The following METTL16 variants were observed in gnomAD, a reference collection of about 807,000 sequenced individuals.
METTL16 encodes the protein methyltransferase 16, RNA N6-adenosine, also known as RNA N(6)-adenosine-methyltransferase METTL16.
A neutral mutation model predicts 57.9 loss-of-function variants in METTL16; 19 were observed. The ratio of observed to expected loss-of-function variants is 0.33; its 90% CI spans 0.23 to 0.48. The LOEUF is 0.48. Ranked by LOEUF, METTL16 falls within the 20% of genes least tolerant of loss-of-function variation. The pLI, the probability that METTL16 is intolerant of heterozygous loss-of-function variation, is 0.99. For missense variants in METTL16, 434 were observed against 691.5 expected, an observed-to-expected ratio of 0.63 and a Z score of 4.18; for synonymous variants, 246 against 255.6, an observed-to-expected ratio of 0.96 and a Z score of 0.36.
chr17:2,455,857 C>A (rs1039489069), intron 6 of METTL16, among the ~76,000 whole-genome samples: 2 of 151,996 alleles, frequency 1.3e-5, no homozygotes, highest in Admixed American at 6.6e-5. Context: ...GTGTTGTGCA[C>A]GTATAGTCCT....
intron 8 of METTL16, chr17:2,436,755 G>A (rs2151547998): frequency 6.7e-6 from 1 of 148,540 alleles, no homozygotes; most frequent in South Asian, 2.1e-4. Context: ...GGAACTGTGA[G>A]AAGCAACAGA....
At chr17:2,428,564 AATATAT>A (rs71362532) in intron 8 of METTL16, among the ~76,000 whole-genome samples, 438 of 31,210 alleles carry the variant, frequency 0.014, 3 homozygotes, top group Non-Finnish European at 0.016. Context: ...AAAAAAAAAA[AATATAT>A]ATATATATAT....
At chr17:2,454,849 C>G (rs2151558620) in intron 6 of METTL16, among the ~76,000 whole-genome samples, 1 of 152,048 alleles carries the variant, frequency 6.6e-6, no homozygotes, top group Middle Eastern at 3.4e-3. Context: ...CAGGAGTGAG[C>G]CCCCACGCCC....
chr17:2,493,624 C>A (rs995190782), intron 2 of METTL16, among the ~76,000 whole-genome samples: 3 of 150,206 alleles, frequency 2.0e-5, no homozygotes, highest in Non-Finnish European at 2.9e-5. Flanking sequence ...GAGACTGAGG[C>A]ACATGAATTG....
At chr17:2,436,004 G>C (rs914275000) in intron 8 of METTL16, among the ~76,000 whole-genome samples, 2 of 152,130 alleles carry the variant, frequency 1.3e-5, no homozygotes, top group African/African-American at 4.8e-5. Context: ...CGGAGGACTC[G>C]GTCTCGGAGC....
rs1257363911 is a variant in METTL16 at position 2,416,135 on chromosome 17, C to T, written c.*3835G>A. On this transcript the variant is annotated 3_prime_UTR_variant, in exon 10 of 10. Transcript: ENST00000263092. ...ATAAAAATACAAATCTGGGTAGCAA[C>T]TGGGTATTTCAAGAAAACACCGTGG... 6.6e-6 allele frequency: 1 copy of T among 152,128 alleles called. No individual in the cohort carries two copies. The highest frequency in any genetic ancestry group is 1.9e-4 in the East Asian group (1 of 5,188). The allele number at this position is 152,128 out of a possible 1,614,324, so 9.4% of individuals were successfully genotyped here. A position where few individuals can be genotyped will look rare whatever the true frequency, so the allele number is the denominator to read the frequency against.
At chr17:2,431,225 G>A (rs2066872031) in intron 8 of METTL16, among the ~76,000 whole-genome samples, 1 of 151,490 alleles carries the variant, frequency 6.6e-6, no homozygotes, top group South Asian at 2.1e-4. Context: ...AGGATTACAT[G>A]TGGGAGCTGC....
chr17:2,477,797 C>G lies in METTL16; in HGVS notation c.217G>C (p.Glu73Gln). The G allele has an allele frequency of 6.2e-7, 1 of 1,613,784 alleles. No homozygotes were observed. Among genetic ancestry groups the G allele is most frequent in the Non-Finnish European group, 8.5e-7 (1 of 1,179,704 alleles). ...DFGLSIDIPL[E>Q]RLIPTVPLRL... ...AAGGGAACTGTGGGAATTAGTCTCTCCAATGGAATATCAATAGAAAGTCCA... is the reference window on the plus strand; with the variant it reads ...AAGGGAACTGTGGGAATTAGTCTCTGCAATGGAATATCAATAGAAAGTCCA... The change falls in exon 3 of 10, where the codon GAG becomes CAG. Residue 73 changes from glutamate (E) to glutamine (Q), a missense_variant. Around this residue, in one of 5 missense-constraint regions of METTL16, gnomAD observed 118 missense variants for 280.0 expected, o/e 0.42. Transcript: ENST00000263092.
chr17:2,448,219 G>C (rs1306948713), intron 6 of METTL16, among the ~76,000 whole-genome samples: 1 of 147,224 alleles, frequency 6.8e-6, no homozygotes, highest in South Asian at 2.1e-4. Context: ...CCCTCTGCCC[G>C]GCCACGACCC....
chr17:2,421,247 C>CT (rs2066763580), intron 8 of METTL16, among the ~76,000 whole-genome samples: 1 of 152,124 alleles, frequency 6.6e-6, no homozygotes, highest in African/African-American at 2.4e-5. Context: ...CCCGGCTACT[C>CT]TGAAAGCAGA....
At chr17:2,488,849 G>T (rs1011642513) in intron 2 of METTL16, among the ~76,000 whole-genome samples, 2 of 152,080 alleles carry the variant, frequency 1.3e-5, no homozygotes, top group Non-Finnish European at 2.9e-5. Flanking sequence ...AAAATTAAGT[G>T]GCCTTAAATT....
At chr17:2,507,139 G>GC (rs964174733) in intron 1 of METTL16, among the ~76,000 whole-genome samples, 1 of 149,002 alleles carries the variant, frequency 6.7e-6, no homozygotes, top group Non-Finnish European at 1.5e-5. Context: ...CTGCCCGGCC[G>GC]CCCCTACTGC....
chr17:2,474,549 A>C (rs963784233), intron 3 of METTL16, among the ~76,000 whole-genome samples: 3 of 152,176 alleles, frequency 2.0e-5, no homozygotes, highest in Non-Finnish European at 2.9e-5. Flanking sequence ...CATGCAAAAA[A>C]AAACACTCTT....
Position 2,464,309 on chromosome 17 carries a change from A to T in METTL16, c.627T>A (p.Ser209=). The T allele has an allele frequency of 1.9e-6, 3 of 1,612,166 alleles. No homozygotes were observed. In the African/African-American group the frequency reaches 4.0e-5, roughly 22 times the overall value. The change falls in exon 6 of 10, where the codon TCT becomes TCA. Residue 209 remains serine, a synonymous_variant. Coordinates refer to ENST00000263092, the MANE Select transcript of METTL16 (RefSeq NM_024086.4). ...TCTCTGTGATGCCTCCTGTATTAAC[A>T]GAACTAGGCGGAGGTCTTCGAGGAT... ...SRNPRRPPPS[S]VNTGGITEIM... is the part of the protein sequence containing the mutation.
chr17:2,480,269 A>G (rs748544801), intron 2 of METTL16, among the ~76,000 whole-genome samples: 5 of 152,148 alleles, frequency 3.3e-5, no homozygotes, highest in Non-Finnish European at 7.4e-5. Flanking sequence ...GATGGGCAGC[A>G]TCAGATTTCA....
intron 1 of METTL16, among the ~76,000 whole-genome samples, chr17:2,511,481 A>C (rs1421276661): frequency 6.6e-6 from 1 of 151,942 alleles, no homozygotes; most frequent in African/African-American, 2.4e-5. Flanking sequence ...TTATCAGCTC[A>C]GTTTGTCTTC....
In METTL16 at chr17:2,425,841, C is replaced by T. The variant is rs1286649660; in HGVS notation, c.889-4937G>A. On this transcript the variant is annotated intron_variant, in intron 8 of 9. Transcript: ENST00000263092. ...AGCAGGGACTATAGGTGTGTGCCAC[C>T]ATGCCTAGCTAATTTTTGTATTTTT... is the stretch of plus-strand genomic sequence containing the variant. Among the ~76,000 whole-genome samples, 3 of 152,196 alleles carry T rather than the reference C, an allele frequency of 2.0e-5. No homozygotes were observed. In the East Asian group the frequency reaches 5.8e-4, roughly 29 times the overall value.
intron 8 of METTL16, among the ~76,000 whole-genome samples, chr17:2,425,795 T>G (rs1282177940): frequency 6.6e-6 from 1 of 151,942 alleles, no homozygotes; most frequent in African/African-American, 2.4e-5. Flanking sequence ...CAAGTGATCC[T>G]CCCACCTCAG....
intron 2 of METTL16, among the ~76,000 whole-genome samples, chr17:2,493,127 T>TTC: frequency 7.8e-6 from 1 of 127,982 alleles, no homozygotes; most frequent in Non-Finnish European, 1.7e-5. Flanking sequence ...TTGGTGATTC[T>TTC]TCTTTTTTTT....
Sources: allele counts gnomAD v4.1 joint callset (sites outside exome capture counted in the v4.1 genomes callset), GRCh38; gene constraint gnomAD v4.1.1; regional missense constraint gnomAD v4.1.1; transcripts MANE v1.5; gene names NCBI Gene and HGNC (gene_info 2026-07-23, HGNC 2026-07-21).